Variants in METTL15 observed in about 807,000 individuals in gnomAD.
METTL15 encodes the protein methyltransferase 15, mitochondrial 12S rRNA N4-cytidine, also known as 12S rRNA N(4)-cytidine methyltransferase METTL15.
A neutral mutation model predicts 38.3 loss-of-function variants in METTL15; 34 were observed. That is an observed-to-expected ratio of 0.89 (90% CI 0.68 to 1.18). METTL15 has a LOEUF of 1.18. METTL15 is among the 50% of genes most tolerant of loss of function. METTL15 has a pLI of 0.00. For synonymous variants in METTL15, 162 were observed against 170.9 expected (o/e 0.95, Z 0.41); for missense variants, 438 against 498.4 (o/e 0.88, Z 1.15).
At chr11:28,183,662 T>A (rs1002821591) in intron 3 of METTL15, among the ~76,000 whole-genome samples, 2 of 151,818 alleles carry the variant, frequency 1.3e-5, no homozygotes, top group African/African-American at 4.8e-5. Context: ...TGGTTTGCCA[T>A]TTTTTTATTG....
intron 4 of METTL15, among the ~76,000 whole-genome samples, chr11:28,277,915 A>G (rs1329050248): frequency 6.6e-6 from 1 of 152,140 alleles, no homozygotes; most frequent in Non-Finnish European, 1.5e-5. Flanking sequence ...GGGAGGAGAG[A>G]GGATGAAGAG....
intron 4 of METTL15, among the ~76,000 whole-genome samples, chr11:28,356,158 T>G (rs1265417016): frequency 6.6e-6 from 1 of 152,222 alleles, no homozygotes; most frequent in African/African-American, 2.4e-5. Context: ...TACCTAAAGT[T>G]GCCTTTGCTG....
intron 4 of METTL15, among the ~76,000 whole-genome samples, chr11:28,255,275 G>C (rs1006196441): frequency 2.6e-5 from 4 of 151,986 alleles, no homozygotes; most frequent in African/African-American, 9.7e-5. Flanking sequence ...GTTTTCTATT[G>C]ACATATAGAA....
At position 28,212,667 on chromosome 11, in the gene METTL15, T is replaced by C. The variant is rs186567916; in HGVS notation, c.407+1469T>C. On this transcript the variant is annotated intron_variant, in intron 4 of 6. Transcript: ENST00000407364. ...GTAAATGCTGTTTAAACAGTTGTTA[T>C]ACTTTATTGTTTAGGGAATAGTGAC... is the stretch of plus-strand genomic sequence containing the variant. 1.2e-4 allele frequency among the ~76,000 whole-genome samples: 19 copies of C among 152,316 alleles called. No individual in the cohort carries two copies. In the East Asian group the frequency reaches 3.1e-3, roughly 25 times the overall value.
chr11:28,176,768 T>C (rs1804439914), intron 3 of METTL15, among the ~76,000 whole-genome samples: 1 of 152,074 alleles, frequency 6.6e-6, no homozygotes, highest in Admixed American at 6.6e-5. Context: ...GAGATTCAGT[T>C]GCCTTACATG....
chr11:28,338,670 G>T (rs1195405908), intron 3 of METTL15, among the ~76,000 whole-genome samples: 1 of 152,016 alleles, frequency 6.6e-6, no homozygotes, highest in Non-Finnish European at 1.5e-5. Flanking sequence ...AAACAATAAT[G>T]AAAGAAACAG....
intron 3 of METTL15, among the ~76,000 whole-genome samples, chr11:28,192,745 A>G (rs1319754737): frequency 1.3e-5 from 2 of 152,040 alleles, no homozygotes; most frequent in African/African-American, 4.8e-5. Flanking sequence ...AATAGTAGAG[A>G]CCACTAATGT....
chr11:28,347,688 C>A (rs1440108380), intron 3 of METTL15, among the ~76,000 whole-genome samples: 1 of 152,150 alleles, frequency 6.6e-6, no homozygotes, highest in Non-Finnish European at 1.5e-5. Flanking sequence ...CTGCAGCTAC[C>A]GTCTTTCTGT....
chr11:28,321,454 G>A (rs907237009), intron 6 of METTL15, among the ~76,000 whole-genome samples: 4 of 152,108 alleles, frequency 2.6e-5, no homozygotes, highest in South Asian at 4.1e-4. Context: ...TGATTAAAAT[G>A]TATATGCATA....
At chr11:28,386,034 G>C (rs1169850958) in intron 5 of METTL15, among the ~76,000 whole-genome samples, 1 of 152,028 alleles carries the variant, frequency 6.6e-6, no homozygotes, top group Non-Finnish European at 1.5e-5. Flanking sequence ...GTTGTTACCA[G>C]TTCTAAATAG....
chr11:28,383,875 G>C lies in METTL15; in HGVS notation c.*358+21839G>C, dbSNP rs142570185. The stretch of plus-strand genomic sequence containing the variant: ...AGGTTTGTTAGATAGGTAAACTCAT[G>C]TCATGGGGATTGGTTGTACAGATTA... On this transcript the variant is annotated intron_variant and NMD_transcript_variant, in intron 5 of 7. Transcript: ENST00000532947. Among the ~76,000 whole-genome samples, 300 of 152,184 alleles carry C rather than the reference G, an allele frequency of 2.0e-3. 1 individual carries two copies. Among genetic ancestry groups the C allele is most frequent in the Middle Eastern group, 3.4e-3 (1 of 294 alleles).
chr11:28,394,631 G>A (rs1361435937), intron 5 of METTL15, among the ~76,000 whole-genome samples: 3 of 152,004 alleles, frequency 2.0e-5, no homozygotes, highest in African/African-American at 4.8e-5. Flanking sequence ...GAAGATATTA[G>A]ATTTATCTTA....
At chr11:28,281,638 T>C (rs1856060915) in intron 4 of METTL15, among the ~76,000 whole-genome samples, 1 of 152,238 alleles carries the variant, frequency 6.6e-6, no homozygotes, top group African/African-American at 2.4e-5. Flanking sequence ...CCAAATGTAT[T>C]GATTTTTATT....
intron 3 of METTL15, among the ~76,000 whole-genome samples, chr11:28,185,079 A>G (rs1182887138): frequency 2.0e-5 from 3 of 151,588 alleles, no homozygotes; most frequent in African/African-American, 4.8e-5. Flanking sequence ...ACTGTTTTAT[A>G]TAGAGTCTTT....
chr11:28,487,516 A>C (rs1205299792), intron 6 of METTL15, among the ~76,000 whole-genome samples: 1 of 152,206 alleles, frequency 6.6e-6, no homozygotes, highest in Non-Finnish European at 1.5e-5. Context: ...TATGTACTTA[A>C]GTTGTTCAAT....
At chr11:28,216,111 A>G (rs1245851994) in intron 4 of METTL15, among the ~76,000 whole-genome samples, 1 of 152,178 alleles carries the variant, frequency 6.6e-6, no homozygotes, top group Non-Finnish European at 1.5e-5. Flanking sequence ...TGTATTGTAC[A>G]TGTAAATTAC....
At chr11:28,211,567 G>A (rs897669842) in intron 4 of METTL15, among the ~76,000 whole-genome samples, 4 of 152,004 alleles carry the variant, frequency 2.6e-5, no homozygotes, top group Admixed American at 1.3e-4. Context: ...AAGTATGTGA[G>A]AATTCTGTAG....
chr11:28,392,677 A>T (rs1564918028), intron 5 of METTL15, among the ~76,000 whole-genome samples: 1 of 152,128 alleles, frequency 6.6e-6, no homozygotes, highest in Non-Finnish European at 1.5e-5. Context: ...AAACTTAAAA[A>T]GTTTTGCACA....
chr11:28,261,789 T>TG (rs1190008953), intron 4 of METTL15, among the ~76,000 whole-genome samples: 3 of 152,192 alleles, frequency 2.0e-5, no homozygotes, highest in African/African-American at 7.2e-5. Flanking sequence ...CATTGACATC[T>TG]GATGTGTTAA....
Sources: gnomAD v4.1 joint callset for allele counts (sites outside exome capture counted in the v4.1 genomes callset) on GRCh38, gnomAD v4.1.1 for gene constraint, MANE v1.5 for transcripts, NCBI Gene and HGNC (gene_info 2026-07-23, HGNC 2026-07-21) for gene names.